The following LOC128462377 variants were observed in gnomAD, a reference collection of about 807,000 sequenced individuals.
At chr16:89,380,533 C>T in the LOC128462377 span, among the ~76,000 whole-genome samples, 1 of 148,084 alleles carries the variant, frequency 6.8e-6, no homozygotes, top group Admixed American at 6.9e-5. Flanking sequence ...AGAAACGGGA[C>T]ACAGGGCACG....
At chr16:89,393,160 G>A in the LOC128462377 span, among the ~76,000 whole-genome samples, 1 of 151,982 alleles carries the variant, frequency 6.6e-6, no homozygotes, top group African/African-American at 2.4e-5. Flanking sequence ...CTCAGGACCT[G>A]GCACCTTCTT....
At chr16:89,391,839 T>C in the LOC128462377 span, among the ~76,000 whole-genome samples, 9 of 152,214 alleles carry the variant, frequency 5.9e-5, no homozygotes, top group Non-Finnish European at 8.8e-5. Context: ...ACTGACATTC[T>C]TAAATATCTG....
At chr16:89,390,998 G>A in the LOC128462377 span, among the ~76,000 whole-genome samples, 1 of 152,132 alleles carries the variant, frequency 6.6e-6, no homozygotes, top group African/African-American at 2.4e-5. Context: ...GGAGGCCGAG[G>A]TGGGTGGATC....
chr16:89,370,430 C>T, the LOC128462377 span, among the ~76,000 whole-genome samples: 11 of 152,270 alleles, frequency 7.2e-5, no homozygotes, highest in East Asian at 2.1e-3. Context: ...GCCCTCCTGC[C>T]GTTATCCAGG....
the LOC128462377 span, among the ~76,000 whole-genome samples, chr16:89,391,206 C>T: frequency 2.2e-5 from 3 of 137,168 alleles, no homozygotes; most frequent in Admixed American, 1.6e-4. Context: ...CCAGCCTGGG[C>T]GACAGAGCGA....
At chr16:89,368,391 T>G in the LOC128462377 span, among the ~76,000 whole-genome samples, 4,183 of 139,226 alleles carry the variant, frequency 0.03, 178 homozygotes, top group African/African-American at 0.077. Context: ...TTTTTTTTTT[T>G]TTTTTTTTTT....
the LOC128462377 span, chr16:89,340,056 G>C: frequency 1.3e-5 from 2 of 152,226 alleles, no homozygotes; most frequent in Admixed American, 6.5e-5. Context: ...TTCTCCTGTT[G>C]ACTAACATTT....
chr16:89,367,339 G>A, the LOC128462377 span, among the ~76,000 whole-genome samples: 473 of 152,366 alleles, frequency 3.1e-3, no homozygotes, highest in Non-Finnish European at 5.4e-3. Flanking sequence ...GAGCACAGTG[G>A]CGGCGCCCAG....
the LOC128462377 span, among the ~76,000 whole-genome samples, chr16:89,322,556 A>G: frequency 6.6e-6 from 1 of 152,348 alleles, no homozygotes; most frequent in Admixed American, 6.5e-5. Flanking sequence ...AGGGGAGGGA[A>G]GCCCTTCAAG....
the LOC128462377 span, among the ~76,000 whole-genome samples, chr16:89,397,403 G>A: frequency 3.9e-5 from 6 of 152,226 alleles, no homozygotes; most frequent in Non-Finnish European, 7.3e-5. Flanking sequence ...AGCTTTCCGT[G>A]TCCTCAGTGA....
At chr16:89,396,731 G>C in the LOC128462377 span, among the ~76,000 whole-genome samples, 1 of 152,184 alleles carries the variant, frequency 6.6e-6, no homozygotes, top group Admixed American at 6.5e-5. Flanking sequence ...CTGTCGCCCA[G>C]GCTGGAGTGC....
chr16:89,332,185 C>A, the LOC128462377 span, among the ~76,000 whole-genome samples: 5 of 152,028 alleles, frequency 3.3e-5, no homozygotes, highest in Non-Finnish European at 7.4e-5. Context: ...GAATGTGTCA[C>A]AGAAATGACT....
At chr16:89,403,496 A>G in the LOC128462377 span, 1 of 152,222 alleles carries the variant, frequency 6.6e-6, no homozygotes, top group Non-Finnish European at 1.5e-5. Flanking sequence ...CAGGAAGCCC[A>G]CACATAAAGC....
chr16:89,324,930 T>C, the LOC128462377 span: 1 of 202,524 alleles, frequency 4.9e-6, no homozygotes, highest in South Asian at 7.7e-5. Context: ...TTTATCCTAT[T>C]AGTGCTGTCC....
the LOC128462377 span, among the ~76,000 whole-genome samples, chr16:89,365,054 G>A: frequency 1.3e-5 from 2 of 152,154 alleles, no homozygotes; most frequent in African/African-American, 4.8e-5. Context: ...TAACAAGTCT[G>A]GAAGCCAAAA....
At chr16:89,362,857 C>T in the LOC128462377 span, among the ~76,000 whole-genome samples, 1 of 152,100 alleles carries the variant, frequency 6.6e-6, no homozygotes, top group Admixed American at 6.5e-5. Flanking sequence ...TTCTCCTCTG[C>T]CTTTGCCTCT....
the LOC128462377 span, among the ~76,000 whole-genome samples, chr16:89,386,760 A>T: frequency 6.6e-6 from 1 of 152,218 alleles, no homozygotes; most frequent in African/African-American, 2.4e-5. Flanking sequence ...TCAATCCAAA[A>T]TAGCACTGTA....
At chr16:89,321,459 C>T in the LOC128462377 span, among the ~76,000 whole-genome samples, 34 of 21,970 alleles carry the variant, frequency 1.5e-3, no homozygotes, top group Admixed American at 5.4e-3. Flanking sequence ...GCGGGAGCTG[C>T]GGGGCGGGGA....
At chr16:89,338,570 C>T in the LOC128462377 span, among the ~76,000 whole-genome samples, 2 of 151,084 alleles carry the variant, frequency 1.3e-5, no homozygotes, top group Non-Finnish European at 3.0e-5. Flanking sequence ...ACTAAAAATA[C>T]AAAAATTAGC....
Sources: allele counts gnomAD v4.1 joint callset (sites outside exome capture counted in the v4.1 genomes callset), GRCh38; gene constraint gnomAD v4.1.1; transcripts MANE v1.5.